Variants in SNX9 observed in about 807,000 individuals in gnomAD.
SNX9 encodes sorting nexin-9.
In SNX9, 44 loss-of-function variants were observed where a neutral mutation model predicts 89.4. The observed-to-expected ratio is 0.49, with a 90% confidence interval of 0.39 to 0.63. The LOEUF is 0.63. Ranked by LOEUF, SNX9 falls within the 30% of genes least tolerant of loss-of-function variation. The pLI, the probability that SNX9 is intolerant of heterozygous loss-of-function variation, is 0.00. For missense variants in SNX9, 578 were observed against 736.1 expected, an observed-to-expected ratio of 0.79 and a Z score of 2.49; for synonymous variants, 236 against 247.8, an observed-to-expected ratio of 0.95 and a Z score of 0.45.
intron 5 of SNX9, among the ~76,000 whole-genome samples, chr6:157,901,105 C>T (rs1783087677): frequency 6.6e-6 from 1 of 152,202 alleles, no homozygotes; most frequent in Non-Finnish European, 1.5e-5. Context: ...TCCCTGACTG[C>T]ACATCCATTC....
At chr6:157,928,154 A>G (rs899537072) in intron 11 of SNX9, among the ~76,000 whole-genome samples, 3 of 152,168 alleles carry the variant, frequency 2.0e-5, no homozygotes, top group Admixed American at 6.5e-5. Flanking sequence ...CACTTTTGAC[A>G]TCCTTAGAAA....
At chr6:157,885,238 G>A (rs1046012265) in intron 4 of SNX9, 26 of 152,176 alleles carry the variant, frequency 1.7e-4, no homozygotes, top group African/African-American at 6.0e-4. Flanking sequence ...TTCCCAATCA[G>A]TAATGTTGAT....
At position 157,928,640 on chromosome 6, in the gene SNX9, T is replaced by C; in HGVS notation, c.1226T>C (p.Met409Thr). 3.7e-6 allele frequency: 6 copies of C among 1,611,160 alleles called. No homozygotes were observed. The highest frequency in any genetic ancestry group is 5.1e-6 in the Non-Finnish European group (6 of 1,178,804). ...GCTGTGGGGAAGTTCACCAAGGCCA[T>C]GGATGACGGCGTGAAGGAGCTGCTG... ...CEAVGKFTKAMDDGVKELLTV... is the reference protein window; with the variant it reads ...CEAVGKFTKATDDGVKELLTV... Residue 409 changes from methionine to threonine, a missense_variant, in exon 12 of 18, where the codon ATG becomes ACG. By Grantham distance (81) the Met-to-Thr change is moderately conservative. This residue lies in a region of SNX9 where 348 missense variants were observed against 491.4 expected (regional missense o/e 0.71). Coordinates refer to ENST00000392185, the MANE Select transcript of SNX9 (RefSeq NM_016224.5).
chr6:157,937,941 A>G (rs533227023), intron 15 of SNX9, among the ~76,000 whole-genome samples: 1 of 152,382 alleles, frequency 6.6e-6, no homozygotes, highest in African/African-American at 2.4e-5. Context: ...GGTTTGTACA[A>G]CTTCAGATAA....
intron 9 of SNX9, among the ~76,000 whole-genome samples, chr6:157,910,346 A>G (rs1482149789): frequency 6.6e-6 from 1 of 152,248 alleles, no homozygotes; most frequent in Non-Finnish European, 1.5e-5. Flanking sequence ...GAAAAATGAC[A>G]CCTGAAAAAA....
At chr6:157,874,827 C>T in intron 3 of SNX9, 1 of 411,098 alleles carries the variant, frequency 2.4e-6, no homozygotes. Flanking sequence ...CTAAATAATG[C>T]ATGGATCAAA....
chr6:157,896,336 T>C (rs1782976797), intron 4 of SNX9, among the ~76,000 whole-genome samples: 2 of 152,208 alleles, frequency 1.3e-5, no homozygotes, highest in African/African-American at 4.8e-5. Context: ...CAGATCGCTA[T>C]AAAGCAGTTA....
At chr6:157,860,049 A>G (rs557819842) in intron 1 of SNX9, among the ~76,000 whole-genome samples, 11 of 152,364 alleles carry the variant, frequency 7.2e-5, no homozygotes, top group African/African-American at 2.4e-4. Context: ...TGGCTTTTGC[A>G]CTGCGGCAGC....
At chr6:157,828,243 C>T (rs749115773) in intron 1 of SNX9, among the ~76,000 whole-genome samples, 37 of 152,092 alleles carry the variant, frequency 2.4e-4, no homozygotes, top group Non-Finnish European at 4.6e-4. Context: ...AAGATAAGTT[C>T]TGTGACAGTA....
chr6:157,868,075 G>T (rs1330729900), intron 2 of SNX9, among the ~76,000 whole-genome samples: 5 of 152,142 alleles, frequency 3.3e-5, no homozygotes, highest in Admixed American at 3.3e-4. Flanking sequence ...TGTCTTAACT[G>T]ATTGATCCTA....
chr6:157,899,616 G>GA (rs1003813243), intron 5 of SNX9, among the ~76,000 whole-genome samples: 6 of 151,844 alleles, frequency 4.0e-5, no homozygotes, highest in East Asian at 3.9e-4. Context: ...ACTAAAAATA[G>GA]AAAAAAAATT....
intron 1 of SNX9, among the ~76,000 whole-genome samples, chr6:157,853,626 T>A (rs1781953527): frequency 6.6e-6 from 1 of 152,232 alleles, no homozygotes; most frequent in Non-Finnish European, 1.5e-5. Flanking sequence ...AATGTCTGGT[T>A]CCCTTACTAT....
At chr6:157,854,392 G>A (rs1288368374) in intron 1 of SNX9, among the ~76,000 whole-genome samples, 1 of 152,176 alleles carries the variant, frequency 6.6e-6, no homozygotes, top group Admixed American at 6.5e-5. Flanking sequence ...CTATGCTGAT[G>A]TGAAGAGTCC....
At chr6:157,873,671 A>T (rs1031997390) in intron 3 of SNX9, among the ~76,000 whole-genome samples, 8 of 150,692 alleles carry the variant, frequency 5.3e-5, no homozygotes, top group African/African-American at 1.9e-4. Flanking sequence ...CATATAACGT[A>T]TTTTTCCTTT....
At chr6:157,937,224 A>G (rs1261188537) in intron 14 of SNX9, among the ~76,000 whole-genome samples, 2 of 152,238 alleles carry the variant, frequency 1.3e-5, no homozygotes, top group African/African-American at 4.8e-5. Flanking sequence ...TAAAAATTAC[A>G]TGATGTTTTG....
In SNX9 at chr6:157,906,124, T is replaced by C. The variant is rs1278258888; in HGVS notation, c.621-4T>C. On this transcript the variant is annotated splice_polypyrimidine_tract_variant and splice_region_variant and intron_variant, in intron 6 of 17. Coordinates refer to ENST00000392185, the MANE Select transcript of SNX9 (RefSeq NM_016224.5). The stretch of plus-strand genomic sequence containing the variant: ...GACTGATGAACATTTATATTCATGA[T>C]TAGATTTCCTGGATTTGCGAAACCT... The C allele has an allele frequency of 6.2e-7, 1 of 1,609,094 alleles. No homozygotes were observed. The highest frequency in any genetic ancestry group is 2.2e-5 in the East Asian group (1 of 44,666).
At chr6:157,934,206 A>G (rs1277628536) in intron 13 of SNX9, 1 of 152,238 alleles carries the variant, frequency 6.6e-6, no homozygotes, top group Non-Finnish European at 1.5e-5. Context: ...TTGAAATAAT[A>G]CAGACTATTA....
intron 4 of SNX9, among the ~76,000 whole-genome samples, chr6:157,893,421 A>G (rs968025526): frequency 1.3e-5 from 2 of 152,184 alleles, no homozygotes; most frequent in African/African-American, 4.8e-5. Context: ...TTGCACATCA[A>G]AAGCATGTAG....
chr6:157,921,494 A>T lies in SNX9; in HGVS notation c.950-37A>T, dbSNP rs111807168. On this transcript the variant is annotated intron_variant, in intron 9 of 17. Coordinates refer to ENST00000392185, the MANE Select transcript of SNX9 (RefSeq NM_016224.5). Reference sequence around the variant, plus strand: ...GTATGGTAACAGTCATTCATTTTAGACAAAGTTGTATGTCATTCTTGGTGT... The same window carrying T: ...GTATGGTAACAGTCATTCATTTTAGTCAAAGTTGTATGTCATTCTTGGTGT... 687 of 1,598,300 alleles carry T rather than the reference A, an allele frequency of 4.3e-4. 2 individuals are homozygous for T. Among genetic ancestry groups the T allele is most frequent in the African/African-American group, 4.1e-3 (307 of 74,290 alleles).
Sources: gnomAD v4.1 joint callset for allele counts (sites outside exome capture counted in the v4.1 genomes callset) on GRCh38, gnomAD v4.1.1 for gene constraint, gnomAD v4.1.1 regional missense constraint, MANE v1.5 for transcripts, NCBI Gene and HGNC (gene_info 2026-07-23, HGNC 2026-07-21) for gene names.